Variants in COG3 observed in about 807,000 individuals in gnomAD.
COG3 encodes the protein component of oligomeric golgi complex 3.
Under a neutral mutation model 114.1 loss-of-function variants are expected in COG3, and 32 were observed. The ratio of observed to expected loss-of-function variants is 0.28; its 90% confidence interval spans 0.21 to 0.38. The LOEUF (loss-of-function observed/expected upper bound fraction) is 0.38. COG3 is among the 10% of genes least tolerant of loss of function. The pLI, the probability that COG3 is intolerant of heterozygous loss-of-function variation, is 1.00. For missense variants in COG3, 813 were observed against 973.2 expected, an observed-to-expected ratio of 0.84 and a Z score of 2.19; for synonymous variants, 352 against 365.7, an observed-to-expected ratio of 0.96 and a Z score of 0.43.
intron 19 of COG3, among the ~76,000 whole-genome samples, chr13:45,519,316 T>C (rs1328438190): frequency 6.6e-6 from 1 of 152,216 alleles, no homozygotes; most frequent in African/African-American, 2.4e-5. Flanking sequence ...AGAGTCGAAA[T>C]ATTGCAAAGC....
chr13:45,474,009 C>A (rs1312528889), intron 1 of COG3, among the ~76,000 whole-genome samples: 1 of 152,122 alleles, frequency 6.6e-6, no homozygotes, highest in Non-Finnish European at 1.5e-5. Context: ...AACTGTTTAC[C>A]TACACCTAGG....
At chr13:45,497,147 G>C (rs564335100) in intron 13 of COG3, among the ~76,000 whole-genome samples, 1 of 152,282 alleles carries the variant, frequency 6.6e-6, no homozygotes, top group South Asian at 2.1e-4. Flanking sequence ...CGTGTGTCAT[G>C]CTCTCTCATA....
intron 1 of COG3, among the ~76,000 whole-genome samples, chr13:45,470,260 A>G (rs1472016015): frequency 1.3e-5 from 2 of 152,234 alleles, no homozygotes; most frequent in Non-Finnish European, 2.9e-5. Context: ...AACTAGTAAC[A>G]TTGATAGCCT....
chr13:45,487,563 A>G (rs2137819353), intron 8 of COG3, among the ~76,000 whole-genome samples: 1 of 152,318 alleles, frequency 6.6e-6, no homozygotes, highest in East Asian at 1.9e-4. Context: ...TCCCATTAAA[A>G]AGTAGGCAAA....
intron 16 of COG3, among the ~76,000 whole-genome samples, chr13:45,514,836 C>T (rs1416923802): frequency 6.6e-6 from 1 of 152,026 alleles, no homozygotes; most frequent in African/African-American, 2.4e-5. Flanking sequence ...TTAGTAGAGA[C>T]GGGGTTTCAC....
At chr13:45,519,384 G>A (rs1014223282) in intron 19 of COG3, among the ~76,000 whole-genome samples, 1 of 152,188 alleles carries the variant, frequency 6.6e-6, no homozygotes, top group African/African-American at 2.4e-5. Flanking sequence ...TAGGTTATCT[G>A]CATGTGGGCT....
chr13:45,482,330 T>C lies in COG3; in HGVS notation c.625-51T>C, dbSNP rs767927315. ...GACTCTAATCCATAGTTTCCAACTT[T>C]TATCTGTATCATTTTTTATGAATTA... On this transcript the variant is annotated intron_variant, in intron 5 of 22. Transcript: ENST00000349995. 4 of 966,708 alleles carry C rather than the reference T, an allele frequency of 4.1e-6. No homozygotes were observed. The South Asian group carries it at 5.8e-5, about 14-fold the overall frequency. 59.9% of individuals were successfully genotyped at this position (966,708 alleles called of 1,614,324 possible). A position where few individuals can be genotyped will look rare whatever the true frequency, so the allele number is the denominator to read the frequency against.
intron 20 of COG3, among the ~76,000 whole-genome samples, chr13:45,526,674 C>T (rs1284587494): frequency 2.0e-5 from 3 of 152,144 alleles, no homozygotes; most frequent in Non-Finnish European, 2.9e-5. Flanking sequence ...TTTAAACGTT[C>T]GTTGTGAAAT....
chr13:45,503,112 TCC>T (rs1269199648), intron 13 of COG3, 130 bp from the exon 14 acceptor site: 2 of 444,270 alleles, frequency 4.5e-6, no homozygotes, highest in Non-Finnish European at 8.1e-6. Context: ...TCAGAATGTA[TCC>T]AGTCTTAAAT....
In COG3 at chr13:45,491,477, C is replaced by G. The variant is rs2137828961; in HGVS notation, c.1034C>G (p.Pro345Arg). The change falls in exon 10 of 23, where the codon CCT becomes CGT. Residue 345 changes from proline (P) to arginine (R), a missense_variant. Pro to Arg is a moderately radical substitution (Grantham distance 103, BLOSUM62 -2). This residue lies in a region of COG3 where 424 missense variants were observed against 430.6 expected (regional missense o/e 0.98). Transcript: ENST00000349995. Reference sequence around the variant, plus strand: ...GATCAGCGGGAGCTCCTTTTGGGCCCTAGTATTGCTTGCACTGTTGCAGAG... The same window carrying G: ...GATCAGCGGGAGCTCCTTTTGGGCCGTAGTATTGCTTGCACTGTTGCAGAG... ...YLDQRELLLG[P>R]SIACTVAELT... The G allele has an allele frequency of 1.2e-6, 2 of 1,613,640 alleles. No homozygotes were observed. Among genetic ancestry groups the G allele is most frequent in the East Asian group, 2.2e-5 (1 of 44,866 alleles).
chr13:45,490,811 A>G, intron 8 of COG3, 104 bp from the exon 9 acceptor site: 1 of 539,358 alleles, frequency 1.9e-6, no homozygotes, highest in Non-Finnish European at 3.1e-6. Flanking sequence ...ACTTTCTTAT[A>G]TTTACAGTTT....
At chr13:45,476,404 G>T in intron 2 of COG3, 57 bp downstream of exon 2, 2 of 1,510,216 alleles carry the variant, frequency 1.3e-6, no homozygotes, top group Non-Finnish European at 1.8e-6. Context: ...CTGAAGACAA[G>T]GCTAATAAAG....
At chr13:45,522,771 C>A (rs1872298968) in intron 19 of COG3, among the ~76,000 whole-genome samples, 1 of 152,170 alleles carries the variant, frequency 6.6e-6, no homozygotes, top group South Asian at 2.1e-4. Context: ...AAACATTTGG[C>A]TTAGATTATT....
At chr13:45,514,324 C>A (rs1871303567) in intron 16 of COG3, among the ~76,000 whole-genome samples, 1 of 152,120 alleles carries the variant, frequency 6.6e-6, no homozygotes, top group Admixed American at 6.5e-5. Flanking sequence ...CCACGCCCAG[C>A]TAATTTTTGC....
At chr13:45,501,503 A>G (rs1869529332) in intron 13 of COG3, among the ~76,000 whole-genome samples, 1 of 152,154 alleles carries the variant, frequency 6.6e-6, no homozygotes, top group African/African-American at 2.4e-5. Flanking sequence ...ATACTCATTT[A>G]TGTAGATTTT....
chr13:45,468,429 G>C (rs1885277696), intron 1 of COG3, among the ~76,000 whole-genome samples: 1 of 152,082 alleles, frequency 6.6e-6, no homozygotes, highest in Admixed American at 6.6e-5. Context: ...GCTGGTATAG[G>C]TGTCATTCAG....
intron 8 of COG3, among the ~76,000 whole-genome samples, chr13:45,489,529 A>G (rs1364792654): frequency 2.0e-5 from 3 of 152,148 alleles, no homozygotes; most frequent in Non-Finnish European, 4.4e-5. Flanking sequence ...GGTAATTATA[A>G]AATGATTATA....
intron 19 of COG3, 128 bp downstream of exon 19, chr13:45,519,222 G>A (rs1871846035): frequency 9.0e-6 from 9 of 999,160 alleles, no homozygotes; most frequent in Non-Finnish European, 1.3e-5. Context: ...ATTCTGTCTA[G>A]GAAATCACTG....
At chr13:45,493,198 C>T (rs1887121870) in intron 11 of COG3, 149 bp from the exon 12 acceptor site, 3 of 579,488 alleles carry the variant, frequency 5.2e-6, no homozygotes, top group Non-Finnish European at 8.8e-6. Flanking sequence ...TTCAGCTTTT[C>T]CCTTATCATT....
Sources: gnomAD v4.1 joint callset for allele counts (sites outside exome capture counted in the v4.1 genomes callset) on GRCh38, gnomAD v4.1.1 for gene constraint, gnomAD v4.1.1 regional missense constraint, MANE v1.5 for transcripts, NCBI Gene and HGNC (gene_info 2026-07-23, HGNC 2026-07-21) for gene names.